NHSL3: variants seen among roughly 807,000 people sequenced by gnomAD.
NHSL3 encodes the protein NHS-like protein 3.
chr1:32,772,516 G>A, the NHSL3 span: 4 of 1,490,384 alleles, frequency 2.7e-6, no homozygotes, highest in East Asian at 2.3e-5. Context: ...CGCCATGGGG[G>A]ATTTGTTCTT....
chr1:32,758,506 C>T, the NHSL3 span, among the ~76,000 whole-genome samples: 1,064 of 152,120 alleles, frequency 7.0e-3, 13 homozygotes, highest in African/African-American at 0.025. Flanking sequence ...CCCCATGTCT[C>T]GTCCCCTTTC....
the NHSL3 span, chr1:32,773,876 T>C: frequency 6.5e-6 from 1 of 152,698 alleles, no homozygotes; most frequent in African/African-American, 2.4e-5. Flanking sequence ...TCTCCTCATT[T>C]CGGTGCATGT....
At chr1:32,769,660 G>A in the NHSL3 span, 40 of 1,603,320 alleles carry the variant, frequency 2.5e-5, no homozygotes, top group Non-Finnish European at 3.4e-5. Context: ...TTTCTCCCAC[G>A]ACTGGCCCCC....
chr1:32,768,581 G>A, the NHSL3 span: 1 of 1,581,112 alleles, frequency 6.3e-7, no homozygotes, highest in Non-Finnish European at 8.6e-7. Context: ...AGCTGGATTT[G>A]TCTCAAAAAA....
the NHSL3 span, among the ~76,000 whole-genome samples, chr1:32,745,771 G>A: frequency 1.3e-5 from 2 of 152,210 alleles, no homozygotes; most frequent in South Asian, 2.1e-4. Flanking sequence ...GGTGCAGCTG[G>A]CAGCAGGTTT....
chr1:32,756,480 C>T, the NHSL3 span, among the ~76,000 whole-genome samples: 3 of 117,618 alleles, frequency 2.6e-5, no homozygotes, highest in African/African-American at 9.4e-5. Context: ...ACCCCCCCCC[C>T]CCGCCCATTT....
the NHSL3 span, chr1:32,767,690 G>A: frequency 9.8e-7 from 1 of 1,019,346 alleles, no homozygotes; most frequent in Non-Finnish European, 1.4e-6. Flanking sequence ...ATGGCCGTGT[G>A]CAGTCTGGGG....
the NHSL3 span, among the ~76,000 whole-genome samples, chr1:32,760,335 T>C: frequency 2.0e-5 from 3 of 152,120 alleles, no homozygotes; most frequent in South Asian, 6.2e-4. Flanking sequence ...ATGGGGCAGG[T>C]TGAGGCCTCA....
chr1:32,752,237 GA>G, the NHSL3 span, among the ~76,000 whole-genome samples: 1 of 151,050 alleles, frequency 6.6e-6, no homozygotes, highest in Non-Finnish European at 1.5e-5. Context: ...ACTCTAGCAA[GA>G]GAAGGGCCTC....
the NHSL3 span, chr1:32,770,274 C>T: frequency 1.2e-5 from 20 of 1,604,408 alleles, no homozygotes; most frequent in East Asian, 2.2e-4. The surrounding 1 kb of genome is among the most constrained non-coding windows in gnomAD (Gnocchi z 8.3). Flanking sequence ...CTACAGTGGA[C>T]GTGGTGGCCC....
the NHSL3 span, among the ~76,000 whole-genome samples, chr1:32,760,491 C>T: frequency 6.6e-6 from 1 of 152,148 alleles, no homozygotes; most frequent in African/African-American, 2.4e-5. Flanking sequence ...GTACACACAG[C>T]CCCTTGGCAG....
chr1:32,752,940 CACACACACACATATAT>C, the NHSL3 span, among the ~76,000 whole-genome samples: 33 of 14,416 alleles, frequency 2.3e-3, 1 homozygote, highest in East Asian at 0.029. Context: ...CACACACACA[CACACACACACATATAT>C]ATATATATAT....
the NHSL3 span, chr1:32,771,983 G>A: frequency 8.1e-6 from 13 of 1,605,678 alleles, no homozygotes; most frequent in East Asian, 1.3e-4. Flanking sequence ...GCTGCGGTCC[G>A]ACTCAAGGCC....
At chr1:32,772,427 G>A in the NHSL3 span, 7 of 1,523,670 alleles carry the variant, frequency 4.6e-6, no homozygotes, top group African/African-American at 8.3e-5. Context: ...GAGAAGATGG[G>A]CCTCCCGGGC....
the NHSL3 span, chr1:32,771,362 C>T: frequency 2.5e-6 from 4 of 1,589,274 alleles, no homozygotes; most frequent in East Asian, 2.2e-5. Context: ...AAAGACCAGT[C>T]ACCCCCACCT....
the NHSL3 span, among the ~76,000 whole-genome samples, chr1:32,756,538 G>C: frequency 7.7e-6 from 1 of 129,976 alleles, no homozygotes; most frequent in Non-Finnish European, 1.5e-5. Context: ...ATGTGCCTTT[G>C]GTCCCAGTAG....
chr1:32,753,059 C>T, the NHSL3 span, among the ~76,000 whole-genome samples: 1 of 151,128 alleles, frequency 6.6e-6, no homozygotes, highest in African/African-American at 2.4e-5. Flanking sequence ...ACCTCCACCT[C>T]CTGGGTTCAA....
At chr1:32,766,820 A>G in the NHSL3 span, among the ~76,000 whole-genome samples, 1 of 152,110 alleles carries the variant, frequency 6.6e-6, no homozygotes, top group Non-Finnish European at 1.5e-5. Flanking sequence ...CATCCCCAGG[A>G]TTAGATGGCC....
chr1:32,751,028 C>G, the NHSL3 span, among the ~76,000 whole-genome samples: 14 of 151,506 alleles, frequency 9.2e-5, no homozygotes, highest in East Asian at 3.9e-4. Flanking sequence ...TCAGGCTGGT[C>G]TTGAACTCCC....
Sources: gnomAD v4.1 joint callset for allele counts (sites outside exome capture counted in the v4.1 genomes callset) on GRCh38, gnomAD v4.1.1 for gene constraint, Gnocchi (gnomAD v3.1) non-coding constraint, MANE v1.5 for transcripts, NCBI Gene and HGNC (gene_info 2026-07-23, HGNC 2026-07-21) for gene names.